M1AP: variants seen among roughly 807,000 people sequenced by gnomAD.
M1AP encodes the protein meiosis 1 arrest protein.
In M1AP, 39 loss-of-function variants were observed where a neutral mutation model predicts 51.2. The ratio of observed to expected loss-of-function variants is 0.76; its 90% CI spans 0.59 to 1.00. The LOEUF (loss-of-function observed/expected upper bound fraction) is 1.00, where lower values mean the gene tolerates loss of function less well. M1AP is among the 50% of genes least tolerant of loss of function. M1AP has a pLI of 0.00. For synonymous variants in M1AP, 251 were observed against 249.2 expected (o/e 1.01, Z -0.07); for missense variants, 545 against 641.2 (o/e 0.85, Z 1.62).
chr2:74,639,317 T>C (rs527590462), intron 2 of M1AP, among the ~76,000 whole-genome samples: 3 of 152,256 alleles, frequency 2.0e-5, no homozygotes, highest in Admixed American at 6.5e-5. Context: ...ATAAGACTTA[T>C]ATCCATTTGA....
intron 4 of M1AP, among the ~76,000 whole-genome samples, chr2:74,603,905 C>T (rs560591400): frequency 2.0e-5 from 3 of 152,162 alleles, no homozygotes; most frequent in South Asian, 4.2e-4. Flanking sequence ...AGAAAGAAAT[C>T]GATGGTATCA....
intron 8 of M1AP, among the ~76,000 whole-genome samples, chr2:74,561,633 T>C (rs1253442448): frequency 6.6e-6 from 1 of 152,142 alleles, no homozygotes; most frequent in Non-Finnish European, 1.5e-5. Flanking sequence ...CTTTCCACTG[T>C]GTCTTCTTTC....
chr2:74,613,711 T>C (rs1681500880), intron 3 of M1AP, among the ~76,000 whole-genome samples: 1 of 152,214 alleles, frequency 6.6e-6, no homozygotes, highest in Non-Finnish European at 1.5e-5. Context: ...TACCTGTTAA[T>C]AACAGAGTGC....
Position 74,631,740 on chromosome 2 carries a change from T to C in M1AP, c.240+8296A>G, listed in dbSNP as rs78321529. ...AAATGAATCATTCTGGTTGAAATTA[T>C]TTATATTAACGGCACAATGGATATA... On this transcript the variant is annotated intron_variant, in intron 2 of 10. Transcript: ENST00000421985. Among the ~76,000 whole-genome samples, 946 of 152,294 alleles carry C rather than the reference T, an allele frequency of 6.2e-3. 13 individuals are homozygous for C. Among genetic ancestry groups the C allele is most frequent in the African/African-American group, 0.022 (894 of 41,554 alleles).
At chr2:74,600,119 A>T (rs1323799722) in intron 4 of M1AP, among the ~76,000 whole-genome samples, 4 of 152,214 alleles carry the variant, frequency 2.6e-5, no homozygotes, top group Non-Finnish European at 5.9e-5. Context: ...AGAAGAGTTA[A>T]GCATGGGGCC....
At chr2:74,587,913 A>T (rs1679810185) in intron 4 of M1AP, among the ~76,000 whole-genome samples, 1 of 152,152 alleles carries the variant, frequency 6.6e-6, no homozygotes, top group African/African-American at 2.4e-5. Flanking sequence ...AGATTAGGTA[A>T]TACCTGAAGT....
chr2:74,633,701 T>C (rs1172474333), intron 2 of M1AP, among the ~76,000 whole-genome samples: 1 of 152,196 alleles, frequency 6.6e-6, no homozygotes, highest in Admixed American at 6.5e-5. Context: ...CATAACAACA[T>C]ACCTATTGTG....
intron 4 of M1AP, among the ~76,000 whole-genome samples, chr2:74,582,983 T>G (rs924072292): frequency 3.3e-5 from 5 of 152,100 alleles, no homozygotes; most frequent in Non-Finnish European, 5.9e-5. Context: ...ATCAGGCCAC[T>G]GCATTCCAGC....
At chr2:74,611,898 T>TTC (rs1221552251) in intron 3 of M1AP, among the ~76,000 whole-genome samples, 1 of 84,758 alleles carries the variant, frequency 1.2e-5, no homozygotes, top group African/African-American at 4.3e-5. Context: ...TTTTTTTTTT[T>TTC]TTTTTTTTTT....
intron 7 of M1AP, among the ~76,000 whole-genome samples, chr2:74,573,418 T>A (rs1451874232): frequency 6.6e-6 from 1 of 152,090 alleles, no homozygotes; most frequent in South Asian, 2.1e-4. Context: ...AGTGGTGCGA[T>A]CTTGGCTCAC....
chr2:74,631,841 C>A lies in M1AP; in HGVS notation c.240+8195G>T, dbSNP rs115309075. ...ACATTCAGAATTATTTGATTATACT[C>A]AAAAATTAAATATGAGAGGATATAT... On this transcript the variant is annotated intron_variant, in intron 2 of 10. Coordinates refer to ENST00000421985, the MANE Select transcript of M1AP (RefSeq NM_001321739.2). Among the ~76,000 whole-genome samples the A allele has an allele frequency of 3.4e-3, 524 of 152,158 alleles. 5 individuals are homozygous for A. The highest frequency in any genetic ancestry group is 0.012 in the African/African-American group (504 of 41,524).
intron 2 of M1AP, among the ~76,000 whole-genome samples, chr2:74,637,084 G>T (rs1683028823): frequency 6.6e-6 from 1 of 152,066 alleles, no homozygotes; most frequent in Admixed American, 6.6e-5. Flanking sequence ...ACATATATCA[G>T]ATGGCGTGAA....
At chr2:74,632,843 A>G (rs1350285047) in intron 2 of M1AP, among the ~76,000 whole-genome samples, 1 of 152,050 alleles carries the variant, frequency 6.6e-6, no homozygotes, top group Non-Finnish European at 1.5e-5. Flanking sequence ...TTTCTAGTGG[A>G]GTGATTAAAA....
intron 8 of M1AP, chr2:74,561,805 C>T: frequency 1.2e-6 from 1 of 812,458 alleles, no homozygotes; most frequent in African/African-American, 1.9e-5. Context: ...TGGCTTCCTC[C>T]CCTGCCTCCC....
At chr2:74,574,391 TA>T (rs1173219383) in intron 7 of M1AP, among the ~76,000 whole-genome samples, 2 of 152,186 alleles carry the variant, frequency 1.3e-5, no homozygotes, top group Non-Finnish European at 2.9e-5. Flanking sequence ...ATCTTCTCTC[TA>T]AAATATTTCT....
At chr2:74,619,066 T>G (rs1394407588) in intron 2 of M1AP, 1 of 451,230 alleles carries the variant, frequency 2.2e-6, no homozygotes, top group Non-Finnish European at 4.4e-6. Context: ...AAGGTTTTGT[T>G]GATCAGTCCA....
intron 4 of M1AP, among the ~76,000 whole-genome samples, chr2:74,596,945 T>C (rs1373579791): frequency 6.6e-6 from 1 of 152,164 alleles, no homozygotes; most frequent in Non-Finnish European, 1.5e-5. Flanking sequence ...TGGTCTTACC[T>C]GGGGCTGGAG....
Position 74,581,669 on chromosome 2 carries a change from T to C in M1AP, c.769+5A>G, listed in dbSNP as rs191296399. ...TAGCCTAAATATCTTTTGGGGATTA[T>C]GTACTTGGATTATCTCTGGGTCTGG... On this transcript the variant is annotated splice_donor_5th_base_variant and intron_variant, in intron 5 of 10. Transcript: ENST00000421985. 276 of 1,612,468 alleles carry C rather than the reference T, an allele frequency of 1.7e-4. No individual in the cohort carries two copies. Among genetic ancestry groups the C allele is most frequent in the Admixed American group, 3.7e-4 (22 of 59,892 alleles).
chr2:74,591,410 C>T (rs1032224794), intron 4 of M1AP, among the ~76,000 whole-genome samples: 2 of 152,114 alleles, frequency 1.3e-5, no homozygotes, highest in Non-Finnish European at 2.9e-5. Flanking sequence ...TAAAAGTCTT[C>T]TTTTTCTACA....
Sources: gnomAD v4.1 joint callset for allele counts (sites outside exome capture counted in the v4.1 genomes callset) on GRCh38, gnomAD v4.1.1 for gene constraint, MANE v1.5 for transcripts, NCBI Gene and HGNC (gene_info 2026-07-23, HGNC 2026-07-21) for gene names.